Variants in ERC2 observed in about 807,000 individuals in gnomAD.
The protein encoded by ERC2 is ELKS/RAB6-interacting/CAST family member 2.
Under a neutral mutation model 114.8 loss-of-function variants are expected in ERC2, and 42 were observed. The ratio of observed to expected loss-of-function variants is 0.37; its 90% CI spans 0.29 to 0.47. The LOEUF is 0.47. ERC2 is among the 20% of genes least tolerant of loss of function. The pLI, the probability that ERC2 is intolerant of heterozygous loss-of-function variation, is 0.99. For synonymous variants in ERC2, 454 were observed against 425.5 expected (o/e 1.07, Z -0.82); for missense variants, 939 against 1,150.7 (o/e 0.82, Z 2.66).
At chr3:56,431,476 C>T (rs536410381) in intron 2 of ERC2, among the ~76,000 whole-genome samples, 1 of 152,312 alleles carries the variant, frequency 6.6e-6, no homozygotes, top group Non-Finnish European at 1.5e-5. Flanking sequence ...TCCTGAGTCA[C>T]TGCATGGAAA....
rs537480690 is a variant in ERC2 at position 56,327,318 on chromosome 3, C to A, written c.658-30883G>T. Among the ~76,000 whole-genome samples, 4 of 152,302 alleles carry A rather than the reference C, an allele frequency of 2.6e-5. No homozygotes were observed. In the East Asian group the frequency reaches 5.8e-4, roughly 22 times the overall value. ...AATTAATGCAGAAGGAACTACCAAA[C>A]ACTTACAAAAGCATCATATCTCGTG... On this transcript the variant is annotated intron_variant, in intron 2 of 17. Coordinates refer to ENST00000288221, the MANE Select transcript of ERC2 (RefSeq NM_015576.3).
chr3:55,675,496 G>A (rs1444235098), intron 17 of ERC2, among the ~76,000 whole-genome samples: 1 of 152,194 alleles, frequency 6.6e-6, no homozygotes, highest in African/African-American at 2.4e-5. Flanking sequence ...GATACACCTA[G>A]TGGTGGCCAT....
At chr3:56,203,389 G>A (rs4318528) in intron 3 of ERC2, among the ~76,000 whole-genome samples, 69,203 of 151,998 alleles carry the variant, frequency 0.46, 16,243 homozygotes, top group East Asian at 0.71. Context: ...GTACAATTAG[G>A]TCTTACTCAT....
intron 12 of ERC2, among the ~76,000 whole-genome samples, chr3:55,965,315 G>C (rs1311245033): frequency 6.6e-6 from 1 of 152,072 alleles, no homozygotes; most frequent in African/African-American, 2.4e-5. Flanking sequence ...TGTGACTATT[G>C]GACATTTAAA....
At chr3:56,370,798 T>A (rs2059337801) in intron 2 of ERC2, among the ~76,000 whole-genome samples, 1 of 152,124 alleles carries the variant, frequency 6.6e-6, no homozygotes, top group African/African-American at 2.4e-5. Flanking sequence ...TTTCACCATG[T>A]TGGCAGGCTG....
intron 17 of ERC2, among the ~76,000 whole-genome samples, chr3:55,581,784 C>G (rs2057274849): frequency 6.6e-6 from 1 of 152,156 alleles, no homozygotes; most frequent in Non-Finnish European, 1.5e-5. Context: ...TCGCATGGAG[C>G]AACCTCTGTT....
intron 2 of ERC2, among the ~76,000 whole-genome samples, chr3:56,315,019 T>C (rs559672631): frequency 1.3e-5 from 2 of 152,320 alleles, no homozygotes; most frequent in African/African-American, 2.4e-5. Flanking sequence ...TGGAGTCAAA[T>C]GTCTTTGGTC....
chr3:56,051,007 A>G (rs1358186641), intron 7 of ERC2, among the ~76,000 whole-genome samples: 3 of 152,342 alleles, frequency 2.0e-5, no homozygotes, highest in African/African-American at 7.2e-5. Context: ...AGGATTTCAC[A>G]GAGGAAAGCC....
intron 2 of ERC2, among the ~76,000 whole-genome samples, chr3:56,382,543 T>G (rs577375350): frequency 1.3e-5 from 2 of 152,246 alleles, no homozygotes; most frequent in East Asian, 3.9e-4. Flanking sequence ...ATTTTCAGTT[T>G]TCATATTTCC....
intron 14 of ERC2, among the ~76,000 whole-genome samples, chr3:55,844,502 T>C (rs571044938): frequency 6.6e-6 from 1 of 152,296 alleles, no homozygotes; most frequent in Non-Finnish European, 1.5e-5. Context: ...AAAATTAATC[T>C]ATGGTGTGAG....
intron 16 of ERC2, among the ~76,000 whole-genome samples, chr3:55,688,748 C>T (rs1221422116): frequency 2.0e-5 from 3 of 152,160 alleles, no homozygotes; most frequent in Non-Finnish European, 2.9e-5. Flanking sequence ...GCACCTTCAC[C>T]TCCTTCATAC....
intron 1 of ERC2, among the ~76,000 whole-genome samples, chr3:56,445,735 A>C (rs1019357288): frequency 1.1e-4 from 16 of 152,118 alleles, no homozygotes; most frequent in Non-Finnish European, 1.9e-4. Flanking sequence ...GCTCCAATGC[A>C]TCAAGTCCCT....
At chr3:56,392,811 C>T (rs1216479911) in intron 2 of ERC2, among the ~76,000 whole-genome samples, 1 of 152,078 alleles carries the variant, frequency 6.6e-6, no homozygotes, top group Non-Finnish European at 1.5e-5. Flanking sequence ...ATAGTTCTAA[C>T]CCTCTTCTTC....
At chr3:56,024,398 G>A (rs1032614135) in intron 7 of ERC2, among the ~76,000 whole-genome samples, 6 of 152,174 alleles carry the variant, frequency 3.9e-5, no homozygotes, top group Admixed American at 1.3e-4. Flanking sequence ...CTGAATAAAC[G>A]AAAGAAGTGA....
At chr3:56,461,169 A>C (rs1033527737) in intron 1 of ERC2, among the ~76,000 whole-genome samples, 20 of 152,172 alleles carry the variant, frequency 1.3e-4, no homozygotes, top group African/African-American at 4.6e-4. Context: ...TCTTTTCCTA[A>C]CTACAAAGTA....
intron 14 of ERC2, among the ~76,000 whole-genome samples, chr3:55,884,223 A>G (rs1449965282): frequency 1.3e-5 from 2 of 152,200 alleles, no homozygotes; most frequent in Non-Finnish European, 2.9e-5. Context: ...AATGATGTAA[A>G]CCTATATGAC....
At chr3:55,746,047 ATTTTGTG>A (rs1023263680) in intron 14 of ERC2, among the ~76,000 whole-genome samples, 6 of 152,170 alleles carry the variant, frequency 3.9e-5, no homozygotes, top group African/African-American at 9.7e-5. Flanking sequence ...TAATTTGAAT[ATTTTGTG>A]TTAAATCAAA....
chr3:55,872,358 T>C (rs576661642), intron 14 of ERC2, among the ~76,000 whole-genome samples: 4 of 152,176 alleles, frequency 2.6e-5, no homozygotes, highest in Non-Finnish European at 4.4e-5. Flanking sequence ...AGGCTTCTCA[T>C]GGCAATTTCT....
intron 7 of ERC2, among the ~76,000 whole-genome samples, chr3:56,032,909 A>AGAGAGAGAG (rs1560056192): frequency 8.8e-5 from 5 of 56,926 alleles, no homozygotes; most frequent in African/African-American, 2.7e-4. Flanking sequence ...GACAGAAAGA[A>AGAGAGAGAG]AGAAAGAAAG....
Sources: gnomAD v4.1 joint callset for allele counts (sites outside exome capture counted in the v4.1 genomes callset) on GRCh38, gnomAD v4.1.1 for gene constraint, MANE v1.5 for transcripts, NCBI Gene and HGNC (gene_info 2026-07-23, HGNC 2026-07-21) for gene names.